Variants in LAMA3 observed in about 807,000 individuals in gnomAD.
LAMA3 encodes laminin subunit alpha-3.
A neutral mutation model predicts 402.0 loss-of-function variants in LAMA3; 281 were observed. That is an observed-to-expected ratio of 0.70 (90% confidence interval 0.63 to 0.77). LAMA3 has a LOEUF of 0.77. Among genes scored for constraint, LAMA3 ranks in the 30% least tolerant of loss-of-function variants. LAMA3 has a pLI of 0.00. For synonymous variants in LAMA3, 1,431 were observed against 1,558.4 expected, an observed-to-expected ratio of 0.92 and a Z score of 1.93; for missense variants, 3,840 against 4,215.5, an observed-to-expected ratio of 0.91 and a Z score of 2.47.
At chr18:23,778,759 A>G (rs1403925583) in intron 11 of LAMA3, among the ~76,000 whole-genome samples, 3 of 152,194 alleles carry the variant, frequency 2.0e-5, no homozygotes, top group Non-Finnish European at 2.9e-5. Flanking sequence ...AGTGCCAGTC[A>G]TGTGTGAGCA....
At chr18:23,937,337 G>C (rs2082342007) in intron 67 of LAMA3, among the ~76,000 whole-genome samples, 1 of 130,340 alleles carries the variant, frequency 7.7e-6, no homozygotes. Context: ...CTGCACTGCA[G>C]CCCGGGCAAC....
At chr18:23,718,342 A>T (rs2061147204) in intron 2 of LAMA3, among the ~76,000 whole-genome samples, 1 of 152,110 alleles carries the variant, frequency 6.6e-6, no homozygotes, top group African/African-American at 2.4e-5. Flanking sequence ...GTGGGTGCGG[A>T]GGGAGTTCCT....
chr18:23,751,222 A>G (rs1238382099), intron 5 of LAMA3, 134 bp downstream of exon 5: 1 of 819,108 alleles, frequency 1.2e-6, no homozygotes, highest in Non-Finnish European at 2.0e-6. Flanking sequence ...TCTTATCTGA[A>G]ATACTAGATA....
intron 39 of LAMA3, among the ~76,000 whole-genome samples, chr18:23,878,072 C>T (rs1473670565): frequency 2.0e-5 from 3 of 152,172 alleles, no homozygotes; most frequent in African/African-American, 7.2e-5. Context: ...CGCCACTGCA[C>T]TCCAGCCTGG....
At chr18:23,719,986 T>C (rs1568111675) in intron 2 of LAMA3, among the ~76,000 whole-genome samples, 1 of 152,232 alleles carries the variant, frequency 6.6e-6, no homozygotes, top group Non-Finnish European at 1.5e-5. Flanking sequence ...CCAGGGACTA[T>C]GTCTTGTTTT....
At chr18:23,871,979 G>A (rs1598966535) in intron 38 of LAMA3, among the ~76,000 whole-genome samples, 2 of 152,136 alleles carry the variant, frequency 1.3e-5, no homozygotes, top group East Asian at 3.8e-4. Flanking sequence ...CCAACACAAA[G>A]AAATGATCAA....
intron 2 of LAMA3, among the ~76,000 whole-genome samples, chr18:23,737,669 C>G (rs2061497964): frequency 6.6e-6 from 1 of 152,218 alleles, no homozygotes; most frequent in Non-Finnish European, 1.5e-5. Context: ...TGACTCTCAG[C>G]ATCGCCCTCA....
intron 12 of LAMA3, among the ~76,000 whole-genome samples, chr18:23,791,751 A>C (rs1231208564): frequency 2.6e-5 from 4 of 151,432 alleles, no homozygotes; most frequent in African/African-American, 4.8e-5. Flanking sequence ...AAAAAAAAAA[A>C]AAAAACCACA....
At chr18:23,806,917 G>A (rs1050270627) in intron 12 of LAMA3, among the ~76,000 whole-genome samples, 26 of 152,292 alleles carry the variant, frequency 1.7e-4, no homozygotes, top group Middle Eastern at 3.4e-3. Flanking sequence ...CCAATTAGGA[G>A]CAACCAGCCA....
chr18:23,819,750 A>T, intron 18 of LAMA3, 91 bp from the exon 19 acceptor site: 2 of 1,082,002 alleles, frequency 1.8e-6, no homozygotes, highest in Non-Finnish European at 1.4e-6. Context: ...AATGTGGTGG[A>T]GTTCTTTCAT....
chr18:23,756,944 CCCCCG>C (rs968427931), intron 6 of LAMA3, among the ~76,000 whole-genome samples: 20 of 117,318 alleles, frequency 1.7e-4, no homozygotes, highest in Non-Finnish European at 9.2e-5. Flanking sequence ...CCACTCCCTT[CCCCCG>C]CCCCGCCCCG....
rs538622227 is a variant in LAMA3 at position 23,913,228 on chromosome 18, G to T, written c.7329+347G>T. On this transcript the variant is annotated intron_variant, in intron 56 of 74. Coordinates refer to ENST00000313654, the MANE Select transcript of LAMA3 (RefSeq NM_198129.4). ...GTATGATTGACACCACACCACCAGG[G>T]ATCAATACCAAGGAGGAGTAGCTCC... Among the ~76,000 whole-genome samples the T allele has an allele frequency of 2.6e-5, 4 of 152,240 alleles. No homozygotes were observed. In the South Asian group the frequency reaches 8.3e-4, roughly 32 times the overall value.
chr18:23,954,383 A>G (rs1599197823), intron 74 of LAMA3, 120 bp from the exon 75 acceptor site: 1 of 847,256 alleles, frequency 1.2e-6, no homozygotes. Flanking sequence ...AGCCTGGGTA[A>G]CAGAGCAGGA....
At position 23,814,431 on chromosome 18, in the gene LAMA3, A is replaced by G; in HGVS notation, c.1817A>G (p.Glu606Gly). The G allele has an allele frequency of 6.2e-7, 1 of 1,613,594 alleles. No homozygotes were observed. The highest frequency in any genetic ancestry group is 8.5e-7 in the Non-Finnish European group (1 of 1,179,522). ...LGYCQCKLHV[E>G]GPTCSRCKLL... ...TATTGCCAATGCAAGCTTCATGTTGAAGGTCCTACTTGTAGCCGCTGCAAA... is the reference window on the plus strand; with the variant it reads ...TATTGCCAATGCAAGCTTCATGTTGGAGGTCCTACTTGTAGCCGCTGCAAA... The change falls in exon 15 of 75, where the codon GAA (glutamate) becomes GGA (glycine). Residue 606 changes from glutamate (E) to glycine (G), a missense_variant. Coordinates refer to ENST00000313654, the MANE Select transcript of LAMA3 (RefSeq NM_198129.4).
chr18:23,940,328 A>G (rs1451565401), intron 68 of LAMA3, among the ~76,000 whole-genome samples: 1 of 152,192 alleles, frequency 6.6e-6, no homozygotes, highest in African/African-American at 2.4e-5. Flanking sequence ...AGCAGAGATC[A>G]TCTCTGAGAA....
intron 23 of LAMA3, among the ~76,000 whole-genome samples, chr18:23,832,566 A>G (rs2063508305): frequency 6.6e-6 from 1 of 152,166 alleles, no homozygotes; most frequent in Non-Finnish European, 1.5e-5. Context: ...ATAAAGTTCT[A>G]ATATTGGCCC....
chr18:23,722,631 A>C (rs1309972263), intron 2 of LAMA3, among the ~76,000 whole-genome samples: 1 of 152,244 alleles, frequency 6.6e-6, no homozygotes, highest in Non-Finnish European at 1.5e-5. Context: ...TGAATTAAAT[A>C]TGTTTCCTTC....
chr18:23,799,530 C>T (rs901287245), intron 12 of LAMA3, among the ~76,000 whole-genome samples: 1 of 152,208 alleles, frequency 6.6e-6, no homozygotes, highest in Non-Finnish European at 1.5e-5. Flanking sequence ...GCTCCCCAGA[C>T]AACCCCTGTG....
At chr18:23,739,921 TA>T (rs780811631) in intron 2 of LAMA3, among the ~76,000 whole-genome samples, 2 of 152,230 alleles carry the variant, frequency 1.3e-5, no homozygotes, top group Non-Finnish European at 2.9e-5. Context: ...TTGAGTTAGT[TA>T]AATCTCTTTG....
Sources: gnomAD v4.1 joint callset for allele counts (sites outside exome capture counted in the v4.1 genomes callset) on GRCh38, gnomAD v4.1.1 for gene constraint, MANE v1.5 for transcripts, NCBI Gene and HGNC (gene_info 2026-07-23, HGNC 2026-07-21) for gene names.